The following GNA12 variants were observed in gnomAD, a reference collection of about 807,000 sequenced individuals.
The protein encoded by GNA12 is G protein subunit alpha 12, also known as guanine nucleotide-binding protein subunit alpha-12.
In GNA12, 9 loss-of-function variants were observed where a neutral mutation model predicts 26.0. The ratio of observed to expected loss-of-function variants is 0.35; its 90% CI spans 0.21 to 0.60. The LOEUF is 0.60. Ranked by LOEUF, GNA12 falls within the 20% of genes least tolerant of loss-of-function variation. The probability of loss-of-function intolerance (pLI) is 0.78; values close to 1 mark genes in which losing one functional copy is unlikely to be tolerated. For missense variants in GNA12, 405 were observed against 525.8 expected, an observed-to-expected ratio of 0.77 and a Z score of 2.25; for synonymous variants, 264 against 219.6, an observed-to-expected ratio of 1.20 and a Z score of -1.79.
chr7:2,786,537 C>T (rs1051312739), intron 2 of GNA12, among the ~76,000 whole-genome samples: 9 of 152,130 alleles, frequency 5.9e-5, no homozygotes, highest in African/African-American at 2.2e-4. Flanking sequence ...GAAAACTAAA[C>T]GTATAAACAT....
chr7:2,786,188 A>G (rs1792357106), intron 2 of GNA12, among the ~76,000 whole-genome samples: 2 of 152,252 alleles, frequency 1.3e-5, no homozygotes, highest in African/African-American at 4.8e-5. Flanking sequence ...CACGCTCACC[A>G]ATGCCAGTCT....
intron 2 of GNA12, among the ~76,000 whole-genome samples, chr7:2,735,316 C>T (rs2115299629): frequency 6.6e-6 from 1 of 152,314 alleles, no homozygotes; most frequent in South Asian, 2.1e-4. Context: ...TTGCCCGTTT[C>T]TAGGCAGGTG....
intron 2 of GNA12, among the ~76,000 whole-genome samples, chr7:2,755,930 A>T (rs1791271773): frequency 6.6e-6 from 1 of 152,248 alleles, no homozygotes; most frequent in Non-Finnish European, 1.5e-5. Flanking sequence ...TCTCAATACA[A>T]ATCCCAGCAG....
chr7:2,807,938 C>A (rs764417233), intron 1 of GNA12, among the ~76,000 whole-genome samples: 3 of 152,168 alleles, frequency 2.0e-5, no homozygotes, highest in Admixed American at 6.5e-5. Context: ...CCGCTCTGTG[C>A]CCCGTGGAGG....
chr7:2,742,380 A>G (rs2115332210), intron 2 of GNA12, among the ~76,000 whole-genome samples: 1 of 152,264 alleles, frequency 6.6e-6, no homozygotes, highest in African/African-American at 2.4e-5. Flanking sequence ...CGATGTCTCC[A>G]GTGTTTAACA....
intron 1 of GNA12, among the ~76,000 whole-genome samples, chr7:2,839,930 G>T (rs549908640): frequency 2.0e-5 from 3 of 152,120 alleles, no homozygotes; most frequent in African/African-American, 7.2e-5. Context: ...ACCCCGGGGC[G>T]GAGGTTGCAG....
At chr7:2,822,021 G>T (rs1016975760) in intron 1 of GNA12, among the ~76,000 whole-genome samples, 2 of 152,156 alleles carry the variant, frequency 1.3e-5, no homozygotes, top group Non-Finnish European at 2.9e-5. Context: ...GACATTCCAG[G>T]ATGTGATGAC....
intron 1 of GNA12, among the ~76,000 whole-genome samples, chr7:2,800,295 CAA>C (rs796796027): frequency 3.3e-4 from 50 of 152,306 alleles, no homozygotes; most frequent in African/African-American, 8.7e-4. Flanking sequence ...CAGAGATGGA[CAA>C]GAGATTCATG....
chr7:2,791,431 C>G (rs1336131781), intron 2 of GNA12, among the ~76,000 whole-genome samples: 1 of 152,240 alleles, frequency 6.6e-6, no homozygotes, highest in Admixed American at 6.5e-5. Context: ...CACCCTGCTC[C>G]TCTCAGAGGA....
chr7:2,779,467 G>C (rs141583163), intron 2 of GNA12, among the ~76,000 whole-genome samples: 1 of 151,432 alleles, frequency 6.6e-6, no homozygotes, highest in Non-Finnish European at 1.5e-5. Context: ...CTATGATCAC[G>C]CTACTACACT....
intron 2 of GNA12, among the ~76,000 whole-genome samples, chr7:2,747,390 C>T (rs1182283891): frequency 6.6e-6 from 1 of 152,138 alleles, no homozygotes; most frequent in African/African-American, 2.4e-5. Context: ...TAAATGTAAT[C>T]CAGTATATAA....
At chr7:2,757,127 GC>G (rs372984089) in intron 2 of GNA12, among the ~76,000 whole-genome samples, 3,614 of 133,400 alleles carry the variant, frequency 0.027, 200 homozygotes, top group Non-Finnish European at 0.033. Flanking sequence ...AATCAGGTGG[GC>G]CTTTTTTTTT....
intron 2 of GNA12, chr7:2,775,596 G>T (rs1055828471): frequency 1.3e-5 from 2 of 152,202 alleles, no homozygotes. Context: ...CTGGTCTATG[G>T]GCATCTGCGA....
At chr7:2,806,304 C>T (rs1435061043) in intron 1 of GNA12, among the ~76,000 whole-genome samples, 1 of 151,782 alleles carries the variant, frequency 6.6e-6, no homozygotes, top group African/African-American at 2.4e-5. Context: ...CATGGTGAAA[C>T]CCTATCTCTA....
chr7:2,813,670 G>C (rs1422840306), intron 1 of GNA12, among the ~76,000 whole-genome samples: 1 of 151,924 alleles, frequency 6.6e-6, no homozygotes, highest in Non-Finnish European at 1.5e-5. Flanking sequence ...CATGTGAGCT[G>C]TCAGAGTGCA....
intron 2 of GNA12, among the ~76,000 whole-genome samples, chr7:2,738,306 A>G (rs970162798): frequency 1.3e-5 from 2 of 152,038 alleles, no homozygotes; most frequent in African/African-American, 2.4e-5. Flanking sequence ...AAATTAGGTA[A>G]CAGATTCACT....
At chr7:2,843,154 C>G (rs1779049455) in intron 1 of GNA12, among the ~76,000 whole-genome samples, 1 of 151,932 alleles carries the variant, frequency 6.6e-6, no homozygotes. Context: ...CCCGTCCAGT[C>G]TCCACTGCTC....
intron 2 of GNA12, among the ~76,000 whole-genome samples, chr7:2,787,883 C>T (rs1227414539): frequency 1.3e-5 from 2 of 152,196 alleles, no homozygotes; most frequent in Non-Finnish European, 2.9e-5. Context: ...GGCCGGGCAC[C>T]ATGGCTCACG....
chr7:2,804,130 C>G (rs1294640222), intron 1 of GNA12, among the ~76,000 whole-genome samples: 3 of 152,222 alleles, frequency 2.0e-5, no homozygotes, highest in Non-Finnish European at 4.4e-5. Flanking sequence ...AGAACACAAA[C>G]ACACAAAATA....
Sources: gnomAD v4.1 joint callset for allele counts (sites outside exome capture counted in the v4.1 genomes callset) on GRCh38, gnomAD v4.1.1 for gene constraint, MANE v1.5 for transcripts, NCBI Gene and HGNC (gene_info 2026-07-23, HGNC 2026-07-21) for gene names.